DCTN4: variants seen among roughly 807,000 people sequenced by gnomAD.
The protein encoded by DCTN4 is dynactin subunit 4.
DCTN4 carries 23 observed loss-of-function variants against 62.7 expected under a neutral mutation model. That is an observed-to-expected ratio of 0.37 (90% CI 0.26 to 0.52). DCTN4 has a LOEUF of 0.52. Among genes scored for constraint, DCTN4 ranks in the 20% least tolerant of loss-of-function variants. The probability of loss-of-function intolerance (pLI) is 0.92; values close to 1 mark genes in which losing one functional copy is unlikely to be tolerated. For synonymous variants in DCTN4, 199 were observed against 202.1 expected (o/e 0.98, Z 0.13); for missense variants, 514 against 580.4 (o/e 0.89, Z 1.18).
At chr5:150,758,573 T>G in intron 1 of DCTN4, 3 of 1,154,678 alleles carry the variant, frequency 2.6e-6, no homozygotes, top group Non-Finnish European at 3.2e-6. Context: ...TTCTCCGTAG[T>G]CCACCCAATT....
chr5:150,739,319 G>GC (rs1760691616), intron 4 of DCTN4, among the ~76,000 whole-genome samples: 3 of 151,906 alleles, frequency 2.0e-5, no homozygotes, highest in Non-Finnish European at 4.4e-5. Context: ...TACAACAGCC[G>GC]CAAAAACCCC....
intron 8 of DCTN4, among the ~76,000 whole-genome samples, chr5:150,729,154 C>T (rs1283033906): frequency 6.9e-6 from 1 of 144,746 alleles, no homozygotes; most frequent in Non-Finnish European, 1.5e-5. Context: ...CTTGGCCTCT[C>T]AAAGTGTTGT....
intron 3 of DCTN4, among the ~76,000 whole-genome samples, chr5:150,746,768 C>T (rs181137550): frequency 5.9e-5 from 9 of 152,130 alleles, no homozygotes; most frequent in African/African-American, 1.4e-4. Context: ...TCAATAAATT[C>T]GGTATTGATG....
At chr5:150,758,528 C>T (rs1272966385) in intron 1 of DCTN4, 3 of 1,020,084 alleles carry the variant, frequency 2.9e-6, no homozygotes, top group African/African-American at 1.7e-5. Context: ...AGTTTTTCGC[C>T]CCTTAAGTGG....
In DCTN4 at chr5:150,710,088, A is replaced by T. The variant is rs1349803682; in HGVS notation, c.*1061T>A. 6.6e-6 allele frequency: 1 copy of T among 152,378 alleles called. No homozygotes were observed. Among genetic ancestry groups the T allele is most frequent in the Non-Finnish European group, 1.5e-5 (1 of 68,036 alleles). The allele number at this position is 152,378 out of a possible 1,614,324, so 9.4% of individuals were successfully genotyped here. ...GACTCACCACATGACAAAAGTCTTA[A>T]ACTTAGTAAGGGGGAAAGTTCTTAA... On this transcript the variant is annotated 3_prime_UTR_variant, in exon 13 of 13. Transcript: ENST00000447998.
intron 3 of DCTN4, among the ~76,000 whole-genome samples, chr5:150,747,398 C>A (rs933755124): frequency 1.3e-5 from 2 of 152,206 alleles, no homozygotes; most frequent in South Asian, 2.1e-4. Flanking sequence ...CCATCCCCAT[C>A]AAGCTACCAA....
intron 3 of DCTN4, among the ~76,000 whole-genome samples, chr5:150,748,981 G>A (rs552420451): frequency 1.3e-5 from 2 of 152,080 alleles, no homozygotes; most frequent in South Asian, 4.2e-4. Context: ...AGACTTAAAT[G>A]TAAGTGTTAA....
intron 3 of DCTN4, among the ~76,000 whole-genome samples, chr5:150,744,238 G>GAA (rs199929947): frequency 6.6e-6 from 1 of 151,606 alleles, no homozygotes; most frequent in African/African-American, 2.4e-5. Context: ...GAAGTTTAGA[G>GAA]AAAAAAGAAT....
chr5:150,743,636 G>A (rs936322425), intron 3 of DCTN4, among the ~76,000 whole-genome samples: 6 of 152,174 alleles, frequency 3.9e-5, no homozygotes, highest in African/African-American at 1.2e-4. Flanking sequence ...CAGCATTCGC[G>A]ATTCACGAAA....
Position 150,711,046 on chromosome 5 carries a change from G to C in DCTN4, c.*103C>G. ...TAGCAATAGAATTCCGTAGTGCATG[G>C]GTACATCGTTATAAACAAGGCCTAA... On this transcript the variant is annotated 3_prime_UTR_variant, in exon 13 of 13. Coordinates refer to ENST00000447998, the MANE Select transcript of DCTN4 (RefSeq NM_016221.4). 1 of 1,108,154 alleles carries C rather than the reference G, an allele frequency of 9.0e-7. No individual in the cohort carries two copies. 68.6% of individuals were successfully genotyped at this position (1,108,154 alleles called of 1,614,324 possible).
At chr5:150,742,553 T>A (rs913730304) in intron 3 of DCTN4, among the ~76,000 whole-genome samples, 2 of 152,190 alleles carry the variant, frequency 1.3e-5, no homozygotes, top group Non-Finnish European at 2.9e-5. Context: ...CTCCGGAGAC[T>A]TTGCTCTTAT....
At chr5:150,726,200 T>G (rs945867710) in intron 8 of DCTN4, among the ~76,000 whole-genome samples, 3 of 152,220 alleles carry the variant, frequency 2.0e-5, no homozygotes, top group Non-Finnish European at 2.9e-5. Flanking sequence ...TGTGAAAATT[T>G]AACAATTTTT....
In DCTN4 at chr5:150,709,300, G is replaced by A. The variant is rs1759478829; in HGVS notation, c.*1849C>T. 1 of 152,296 alleles carries A rather than the reference G, an allele frequency of 6.6e-6. No homozygotes were observed. The highest frequency in any genetic ancestry group is 2.4e-5 in the African/African-American group (1 of 41,422). The allele number at this position is 152,296 out of a possible 1,614,324, so 9.4% of individuals were successfully genotyped here. ...ACCCATACTTCAACATTATTACTTT[G>A]GGGAATAAATACCAGCTACCTGCCA... On this transcript the variant is annotated 3_prime_UTR_variant, in exon 13 of 13. Coordinates refer to ENST00000447998, the MANE Select transcript of DCTN4 (RefSeq NM_016221.4).
At chr5:150,711,917 A>C (rs75655316) in intron 12 of DCTN4, among the ~76,000 whole-genome samples, 3,466 of 152,192 alleles carry the variant, frequency 0.023, 157 homozygotes, top group African/African-American at 0.08. Context: ...TGTTTATCAC[A>C]AACACCTTTT....
At chr5:150,748,250 C>T (rs1295300629) in intron 3 of DCTN4, among the ~76,000 whole-genome samples, 1 of 149,408 alleles carries the variant, frequency 6.7e-6, no homozygotes, top group Non-Finnish European at 1.5e-5. Context: ...CCATCTCACA[C>T]CAGTTAGAAT....
chr5:150,758,060 C>T, intron 1 of DCTN4: 1 of 981,628 alleles, frequency 1.0e-6, no homozygotes, highest in Non-Finnish European at 1.2e-6. Context: ...CTACTATCAG[C>T]TTTTTCTTCA....
rs200220726 is a variant in DCTN4 at position 150,731,396 on chromosome 5, C to G, written c.611+20G>C. 1.9e-6 allele frequency: 3 copies of G among 1,607,048 alleles called. No individual in the cohort carries two copies. The highest frequency in any genetic ancestry group is 2.7e-5 in the African/African-American group (2 of 74,864). ...TGATACCTGCTGTTCTCCTCAAAGTCATTTCATGTCTAAACTTACGAAAGT... is the reference window on the plus strand; with the variant it reads ...TGATACCTGCTGTTCTCCTCAAAGTGATTTCATGTCTAAACTTACGAAAGT... On this transcript the variant is annotated intron_variant, in intron 6 of 12. Transcript: ENST00000447998.
At chr5:150,745,383 G>C (rs1004237565) in intron 3 of DCTN4, among the ~76,000 whole-genome samples, 2 of 151,702 alleles carry the variant, frequency 1.3e-5, no homozygotes, top group Non-Finnish European at 2.9e-5. Flanking sequence ...ACAGATCAAC[G>C]AGACAGAAAG....
chr5:150,729,933 G>A (rs539022312), intron 8 of DCTN4, among the ~76,000 whole-genome samples: 4 of 151,206 alleles, frequency 2.6e-5, no homozygotes, highest in South Asian at 2.1e-4. Flanking sequence ...CCGAATCTAC[G>A]TAAACTCTAT....
Sources: gnomAD v4.1 joint callset for allele counts (sites outside exome capture counted in the v4.1 genomes callset) on GRCh38, gnomAD v4.1.1 for gene constraint, MANE v1.5 for transcripts, NCBI Gene and HGNC (gene_info 2026-07-23, HGNC 2026-07-21) for gene names.